SMG1: variants seen among roughly 807,000 people sequenced by gnomAD.
SMG1 encodes the protein SMG1 nonsense mediated mRNA decay associated PI3K related kinase.
In SMG1, 22 loss-of-function variants were observed where a neutral mutation model predicts 419.9. The observed-to-expected ratio is 0.05, with a 90% CI of 0.04 to 0.07. The LOEUF (loss-of-function observed/expected upper bound fraction) is 0.07, where lower values mean the gene tolerates loss of function less well. Ranked by LOEUF, SMG1 falls within the 10% of genes least tolerant of loss-of-function variation. SMG1 has a pLI of 1.00. For missense variants in SMG1, 3,185 were observed against 4,342.0 expected, an observed-to-expected ratio of 0.73 and a Z score of 7.49; for synonymous variants, 1,538 against 1,553.5, an observed-to-expected ratio of 0.99 and a Z score of 0.23.
At chr16:18,844,802 G>A (rs2034165483) in intron 39 of SMG1, among the ~76,000 whole-genome samples, 1 of 152,088 alleles carries the variant, frequency 6.6e-6, no homozygotes, top group South Asian at 2.1e-4. Flanking sequence ...AGAGAAAAGA[G>A]GGAGGGAGAA....
intron 1 of SMG1, among the ~76,000 whole-genome samples, chr16:18,922,770 G>C (rs1203312165): frequency 3.3e-5 from 5 of 151,968 alleles, no homozygotes; most frequent in Non-Finnish European, 7.4e-5. Context: ...GTGAGCCACT[G>C]CCCCCGGCCT....
intron 53 of SMG1, 75 bp from the exon 54 acceptor site, chr16:18,829,830 TG>T (rs2033040520): frequency 1.4e-6 from 2 of 1,435,856 alleles, no homozygotes; most frequent in Non-Finnish European, 9.4e-7. Flanking sequence ...GTATTTAAGG[TG>T]TCATGAATGT....
intron 4 of SMG1, among the ~76,000 whole-genome samples, chr16:18,891,399 A>T (rs911881707): frequency 2.0e-5 from 3 of 151,264 alleles, no homozygotes; most frequent in African/African-American, 7.3e-5. Context: ...GCCTCACTAG[A>T]CCATTTTCAT....
At chr16:18,910,747 A>ACCC (rs2037760860) in intron 1 of SMG1, among the ~76,000 whole-genome samples, 1 of 151,734 alleles carries the variant, frequency 6.6e-6, no homozygotes, top group Non-Finnish European at 1.5e-5. Context: ...GTTCTTCTCC[A>ACCC]CCCCCTCAAG....
intron 1 of SMG1, among the ~76,000 whole-genome samples, chr16:18,913,437 C>A (rs1345611206): frequency 6.6e-6 from 1 of 151,276 alleles, no homozygotes; most frequent in African/African-American, 2.4e-5. Flanking sequence ...AGTAAAGGTA[C>A]GTTTTTAATT....
rs1314903306 is a variant in SMG1, at chr16:18,805,153, TA to T, written c.*4415del. 6.6e-6 allele frequency: 1 copy of T among 152,376 alleles called. No individual in the cohort carries two copies. The highest frequency in any genetic ancestry group is 1.5e-5 in the Non-Finnish European group (1 of 68,030). 9.4% of individuals were successfully genotyped at this position (152,376 alleles called of 1,614,324 possible). A position where few individuals can be genotyped will look rare whatever the true frequency, so the allele number is the denominator to read the frequency against. ...CTTAGAATAAGGGTAAAAAGTAAATTAACAAGTAAGTGAAGTATGATGTTGT... is the reference window on the plus strand; with the variant it reads ...CTTAGAATAAGGGTAAAAAGTAAATTACAAGTAAGTGAAGTATGATGTTGT... On this transcript the variant is annotated 3_prime_UTR_variant, in exon 63 of 63. Transcript: ENST00000446231.
intron 45 of SMG1, among the ~76,000 whole-genome samples, 152 bp from the exon 46 acceptor site, chr16:18,837,595 G>A (rs1034938557): frequency 6.6e-5 from 10 of 152,106 alleles, no homozygotes; most frequent in African/African-American, 1.9e-4. Flanking sequence ...CAACTAATGC[G>A]TTCAAGTTTA....
intron 1 of SMG1, among the ~76,000 whole-genome samples, chr16:18,910,775 T>C (rs1054670038): frequency 3.3e-5 from 5 of 152,150 alleles, no homozygotes; most frequent in East Asian, 1.9e-4. Flanking sequence ...AACTATCACA[T>C]TGGCAGAATA....
chr16:18,907,145 G>A (rs148276984), intron 1 of SMG1, among the ~76,000 whole-genome samples: 2,598 of 152,078 alleles, frequency 0.017, 95 homozygotes, highest in East Asian at 0.12. Flanking sequence ...AGCTGGGTGT[G>A]GTGGCAGGCG....
rs765750650 is a variant in SMG1, at chr16:18,835,941, G to A, written c.8049C>T (p.Leu2683=). 6.4e-7 allele frequency: 1 copy of A among 1,552,284 alleles called. No homozygotes were observed. Among genetic ancestry groups the A allele is most frequent in the South Asian group, 1.2e-5 (1 of 84,044 alleles). ...CNTTVERCQE[L]YRKYEMQYAP... ...AAGCACTATCAACTTACTTCCTATA[G>A]AGCTCTTGACAACGCTCTACTGTGG... The change falls in exon 48 of 63, where the codon CTC becomes CTT. Residue 2683 remains leucine (L), a synonymous_variant. Coordinates refer to ENST00000446231, the MANE Select transcript of SMG1 (RefSeq NM_015092.5).
intron 60 of SMG1, 64 bp downstream of exon 60, chr16:18,815,111 T>A (rs1180784330): frequency 9.8e-7 from 1 of 1,024,704 alleles, no homozygotes; most frequent in Non-Finnish European, 1.5e-6. Context: ...TTATGTATAA[T>A]TAAACATCTT....
Position 18,837,289 on chromosome 16 carries a change from T to G in SMG1, c.7568A>C (p.Glu2523Ala). 6.2e-7 allele frequency: 1 copy of G among 1,614,004 alleles called. No individual in the cohort carries two copies. Among genetic ancestry groups the G allele is most frequent in the Non-Finnish European group, 8.5e-7 (1 of 1,179,888 alleles). Residue 2523 changes from glutamate to alanine, a missense_variant, in exon 46 of 63, where the codon GAA becomes GCA. Around this residue, in one of 27 missense-constraint regions of SMG1, gnomAD observed 412 missense variants for 546.6 expected, o/e 0.75. Transcript: ENST00000446231. The part of the protein sequence containing the change: ...LEEIEFLEGA[E>A]GVDHPSHTLQ... ...AGTATGAGAAGGATGATCCACCCCTTCAGCTCCTTCTAGAAACTCTATTTC... is the reference window on the plus strand; with the variant it reads ...AGTATGAGAAGGATGATCCACCCCTGCAGCTCCTTCTAGAAACTCTATTTC...
chr16:18,846,724 A>G (rs1394064324), intron 38 of SMG1, among the ~76,000 whole-genome samples: 1 of 152,190 alleles, frequency 6.6e-6, no homozygotes, highest in Non-Finnish European at 1.5e-5. Context: ...AAAGAAAAGA[A>G]GTGTTGCCAA....
chr16:18,837,644 T>C (rs140187337), intron 45 of SMG1, among the ~76,000 whole-genome samples: 9 of 152,272 alleles, frequency 5.9e-5, no homozygotes, highest in Non-Finnish European at 1.3e-4. Flanking sequence ...CATAATACCA[T>C]GTATTAATAG....
At chr16:18,838,753 C>T (rs146391896) in intron 42 of SMG1, 64 bp from the exon 43 acceptor site, 88 of 1,031,774 alleles carry the variant, frequency 8.5e-5, no homozygotes, top group East Asian at 3.6e-4. Context: ...CCAACATGGA[C>T]GTGATACTAT....
At chr16:18,914,777 T>C (rs1032848364) in intron 1 of SMG1, among the ~76,000 whole-genome samples, 3 of 152,176 alleles carry the variant, frequency 2.0e-5, no homozygotes, top group African/African-American at 7.2e-5. Flanking sequence ...TCTAATGGGA[T>C]GCCAGAAGGC....
chr16:18,921,840 G>A (rs2038211920), intron 1 of SMG1, among the ~76,000 whole-genome samples: 1 of 152,144 alleles, frequency 6.6e-6, no homozygotes, highest in Non-Finnish European at 1.5e-5. Flanking sequence ...CAACAGAGAA[G>A]ATGTGTGTAC....
intron 5 of SMG1, among the ~76,000 whole-genome samples, chr16:18,890,455 T>A (rs954735979): frequency 2.0e-5 from 3 of 152,080 alleles, no homozygotes; most frequent in Non-Finnish European, 4.4e-5. Context: ...CTGGCCAACA[T>A]GGTGAAACTG....
At position 18,815,685 on chromosome 16, in the gene SMG1, G is replaced by A. The variant is rs1298312936; in HGVS notation, c.10303-34C>T. The A allele has an allele frequency of 1.9e-6, 3 of 1,567,028 alleles. No homozygotes were observed. In the South Asian group the frequency reaches 3.4e-5, roughly 18 times the overall value. On this transcript the variant is annotated intron_variant, in intron 58 of 62. Transcript: ENST00000446231. ...GATAAATTAATGATTAAGAAAAATAGTTTTAGTATCAGTAATTACTCTCAA... is the reference window on the plus strand; with the variant it reads ...GATAAATTAATGATTAAGAAAAATAATTTTAGTATCAGTAATTACTCTCAA...
Sources: allele counts gnomAD v4.1 joint callset (sites outside exome capture counted in the v4.1 genomes callset), GRCh38; gene constraint gnomAD v4.1.1; regional missense constraint gnomAD v4.1.1; transcripts MANE v1.5; gene names NCBI Gene and HGNC (gene_info 2026-07-23, HGNC 2026-07-21).